Variants in ZBTB20 observed in about 807,000 individuals in gnomAD.
ZBTB20 encodes the protein zinc finger and BTB domain containing 20.
A neutral mutation model predicts 56.9 loss-of-function variants in ZBTB20; 9 were observed. The observed-to-expected ratio is 0.16, with a 90% confidence interval of 0.10 to 0.28. The LOEUF is 0.28. Among genes scored for constraint, ZBTB20 ranks in the 10% least tolerant of loss-of-function variants. The pLI is 1.00. For synonymous variants in ZBTB20, 417 were observed against 420.7 expected (o/e 0.99, Z 0.11); for missense variants, 655 against 1,003.0 (o/e 0.65, Z 4.69).
intron 2 of ZBTB20, among the ~76,000 whole-genome samples, chr3:115,041,788 G>A (rs948396843): frequency 6.6e-6 from 1 of 152,114 alleles, no homozygotes; most frequent in Non-Finnish European, 1.5e-5. Context: ...AGCCATCTCT[G>A]CCCCATGTCA....
chr3:115,091,685 T>C (rs942766646), intron 1 of ZBTB20, among the ~76,000 whole-genome samples: 4 of 150,252 alleles, frequency 2.7e-5, no homozygotes, highest in Admixed American at 6.7e-5. Context: ...TTTATATATA[T>C]ATATATAACA....
intron 4 of ZBTB20, among the ~76,000 whole-genome samples, chr3:114,808,414 C>A (rs1048142844): frequency 1.3e-5 from 2 of 151,918 alleles, no homozygotes; most frequent in Admixed American, 6.6e-5. Flanking sequence ...ACCACCAACC[C>A]CATAGAAATG....
At chr3:114,884,557 T>C (rs2076534624) in intron 4 of ZBTB20, among the ~76,000 whole-genome samples, 1 of 152,150 alleles carries the variant, frequency 6.6e-6, no homozygotes, top group South Asian at 2.1e-4. Context: ...TCAAAGATCA[T>C]CAGTTTCAAT....
chr3:114,325,991 G>A lies in ZBTB20; in HGVS notation c.*13014C>T, dbSNP rs2079051895. On this transcript the variant is annotated 3_prime_UTR_variant, in exon 12 of 12. Transcript: ENST00000675478. ...CTGTTACTGTTCCCTCTAGTGCCTG[G>A]GGTTGGGGCAGGTGCAGGGGTGTGG... The A allele has an allele frequency of 6.6e-6, 1 of 152,120 alleles. No homozygotes were observed. Among genetic ancestry groups the A allele is most frequent in the Non-Finnish European group, 1.5e-5 (1 of 68,040 alleles). 9.4% of individuals were successfully genotyped at this position (152,120 alleles called of 1,614,324 possible).
intron 5 of ZBTB20, among the ~76,000 whole-genome samples, chr3:114,749,768 C>T (rs2067419158): frequency 6.6e-6 from 1 of 152,176 alleles, no homozygotes; most frequent in African/African-American, 2.4e-5. Context: ...CCCATTTCCA[C>T]CTTTTAACAA....
intron 3 of ZBTB20, among the ~76,000 whole-genome samples, chr3:114,927,254 G>A (rs2076193002): frequency 6.6e-6 from 1 of 152,152 alleles, no homozygotes; most frequent in African/African-American, 2.4e-5. Flanking sequence ...ACTTTGAGTT[G>A]TCCTGCTTTT....
chr3:114,647,103 C>T (rs1287615335), intron 6 of ZBTB20, among the ~76,000 whole-genome samples: 1 of 152,044 alleles, frequency 6.6e-6, no homozygotes, highest in Non-Finnish European at 1.5e-5. Context: ...GGACCACAGG[C>T]ACCTGCCACC....
chr3:114,414,546 T>A (rs917372863), intron 7 of ZBTB20, among the ~76,000 whole-genome samples: 1 of 152,034 alleles, frequency 6.6e-6, no homozygotes, highest in South Asian at 2.1e-4. Flanking sequence ...AAGGCTGTGA[T>A]AACATATCTT....
At chr3:114,376,543 A>T (rs765226244) in intron 10 of ZBTB20, among the ~76,000 whole-genome samples, 26 of 152,194 alleles carry the variant, frequency 1.7e-4, no homozygotes, top group Non-Finnish European at 5.9e-5. Context: ...GGTGAAGCAA[A>T]TGGTTGGGAG....
intron 6 of ZBTB20, among the ~76,000 whole-genome samples, chr3:114,531,781 G>A (rs2047869480): frequency 6.6e-6 from 1 of 152,192 alleles, no homozygotes; most frequent in Non-Finnish European, 1.5e-5. Flanking sequence ...ATTTCCAACA[G>A]AGGTACCTGG....
At chr3:114,901,240 G>C (rs2075107048) in intron 3 of ZBTB20, among the ~76,000 whole-genome samples, 1 of 151,886 alleles carries the variant, frequency 6.6e-6, no homozygotes, top group South Asian at 2.1e-4. Context: ...ACTCCAGCCT[G>C]GGTGACAAGA....
rs34171249 is a variant in ZBTB20, at chr3:114,803,779, G to GTT, written c.-416-2607_-416-2606dup. Among the ~76,000 whole-genome samples, 146 of 144,466 alleles carry GTT rather than the reference G, an allele frequency of 1.0e-3. 1 individual carries two copies. Among genetic ancestry groups the GTT allele is most frequent in the African/African-American group, 3.5e-3 (136 of 39,126 alleles). The allele number at this position is 144,466 out of a possible 152,430, so 94.8% of individuals were successfully genotyped here. ...CACTTTTGTCTATTTTCAACTTTCTGTTTTTTTTTTTTTTTTTAATTCAAA... is the reference window on the plus strand; with the variant it reads ...CACTTTTGTCTATTTTCAACTTTCTGTTTTTTTTTTTTTTTTTTTAATTCAAA... On this transcript the variant is annotated intron_variant, in intron 4 of 11. Transcript: ENST00000675478.
chr3:114,925,255 A>G (rs1227474647), intron 3 of ZBTB20, among the ~76,000 whole-genome samples: 3 of 151,924 alleles, frequency 2.0e-5, no homozygotes, highest in South Asian at 2.1e-4. Flanking sequence ...TGCTGAGATT[A>G]CAGGTGTGAG....
chr3:114,548,438 T>C (rs1045005985), intron 6 of ZBTB20, among the ~76,000 whole-genome samples: 4 of 152,192 alleles, frequency 2.6e-5, no homozygotes, highest in African/African-American at 9.6e-5. Context: ...CAGAATTACA[T>C]TCATCTACAG....
intron 7 of ZBTB20, among the ~76,000 whole-genome samples, chr3:114,393,804 A>G (rs934333856): frequency 6.6e-6 from 1 of 152,188 alleles, no homozygotes; most frequent in Admixed American, 6.5e-5. Context: ...GTAATAAAGA[A>G]TCTGCTCTTG....
At chr3:115,085,796 T>C (rs1468348865) in intron 1 of ZBTB20, among the ~76,000 whole-genome samples, 1 of 151,940 alleles carries the variant, frequency 6.6e-6, no homozygotes, top group African/African-American at 2.4e-5. Flanking sequence ...GAGTTTCTAT[T>C]TCACCACATG....
intron 7 of ZBTB20, among the ~76,000 whole-genome samples, chr3:114,442,417 C>T (rs1341202781): frequency 6.6e-6 from 1 of 152,128 alleles, no homozygotes; most frequent in African/African-American, 2.4e-5. Context: ...TTAATATTCT[C>T]AGCAGCTGGT....
chr3:114,829,978 G>A (rs2073757488), intron 4 of ZBTB20, among the ~76,000 whole-genome samples: 1 of 151,862 alleles, frequency 6.6e-6, no homozygotes, highest in Non-Finnish European at 1.5e-5. Context: ...ATTCCTATGT[G>A]CAATGATCCT....
chr3:114,716,869 A>G (rs1484652654), intron 5 of ZBTB20, among the ~76,000 whole-genome samples: 2 of 152,166 alleles, frequency 1.3e-5, no homozygotes, highest in Non-Finnish European at 2.9e-5. Flanking sequence ...AGTTCTGAGG[A>G]AAGTGGAATG....
Sources: gnomAD v4.1 joint callset for allele counts (sites outside exome capture counted in the v4.1 genomes callset) on GRCh38, gnomAD v4.1.1 for gene constraint, MANE v1.5 for transcripts, NCBI Gene and HGNC (gene_info 2026-07-23, HGNC 2026-07-21) for gene names.